VTA1: variants seen among roughly 807,000 people sequenced by gnomAD.
The protein encoded by VTA1 is vacuolar protein sorting-associated protein VTA1 homolog.
VTA1 carries 24 observed loss-of-function variants against 36.9 expected under a neutral mutation model. The observed-to-expected ratio is 0.65, with a 90% CI of 0.47 to 0.91. The LOEUF (loss-of-function observed/expected upper bound fraction) is 0.91. Ranked by LOEUF, VTA1 falls within the 40% of genes least tolerant of loss-of-function variation. The pLI, the probability that VTA1 is intolerant of heterozygous loss-of-function variation, is 0.00. For synonymous variants in VTA1, 142 were observed against 130.2 expected (o/e 1.09, Z -0.62); for missense variants, 393 against 377.2 (o/e 1.04, Z -0.35).
intron 5 of VTA1, among the ~76,000 whole-genome samples, chr6:142,192,017 T>C (rs1002090638): frequency 6.6e-6 from 1 of 152,032 alleles, no homozygotes; most frequent in Non-Finnish European, 1.5e-5. Flanking sequence ...CTTAGTTAAC[T>C]TAGATAAAGA....
chr6:142,189,231 A>G (rs565912549), intron 4 of VTA1, among the ~76,000 whole-genome samples, 195 bp from the exon 5 acceptor site: 1 of 152,324 alleles, frequency 6.6e-6, no homozygotes, highest in South Asian at 2.1e-4. Context: ...TGAGGACAAT[A>G]GCTTTTCATG....
intron 1 of VTA1, among the ~76,000 whole-genome samples, chr6:142,165,021 G>T (rs1774887456): frequency 6.6e-6 from 1 of 152,150 alleles, no homozygotes; most frequent in South Asian, 2.1e-4. Context: ...ACAGTATAAA[G>T]AATTGTTACA....
intron 7 of VTA1, among the ~76,000 whole-genome samples, chr6:142,218,144 CA>C (rs966478971): frequency 5.9e-5 from 9 of 151,920 alleles, no homozygotes; most frequent in African/African-American, 2.2e-4. Context: ...CATTCCAGCT[CA>C]AATGAGGGTT....
At chr6:142,209,900 T>C (rs225699) in intron 7 of VTA1, among the ~76,000 whole-genome samples, 87,608 of 151,724 alleles carry the variant, frequency 0.58, 25,597 homozygotes, top group Middle Eastern at 0.62. Flanking sequence ...AATGACATTT[T>C]ACCAAAAAAA....
intron 1 of VTA1, among the ~76,000 whole-genome samples, chr6:142,149,324 G>GTTTT (rs1314292130): frequency 6.6e-6 from 1 of 152,126 alleles, no homozygotes. Flanking sequence ...TATGAAACAT[G>GTTTT]TACATATAAA....
chr6:142,170,964 C>T lies in VTA1; in HGVS notation c.411+543C>T, dbSNP rs145671222. ...CTTTAAATCCAGCATGTATTTTACA[C>T]TTCAGCATATGTGTGACTACTGTAT... On this transcript the variant is annotated intron_variant, in intron 4 of 7. Coordinates refer to ENST00000367630, the MANE Select transcript of VTA1 (RefSeq NM_016485.5). Among the ~76,000 whole-genome samples, 9 of 152,230 alleles carry T rather than the reference C, an allele frequency of 5.9e-5. No homozygotes were observed. The East Asian group carries it at 1.7e-3, about 29-fold the overall frequency.
At chr6:142,207,143 A>T (rs1775810104) in intron 7 of VTA1, among the ~76,000 whole-genome samples, 1 of 152,174 alleles carries the variant, frequency 6.6e-6, no homozygotes, top group Non-Finnish European at 1.5e-5. Context: ...AGAAGTGGAA[A>T]AACTCCAGTA....
Position 142,188,225 on chromosome 6 carries a change from CTTTTTTT to C in VTA1, c.412-1179_412-1173del, listed in dbSNP as rs200348683. On this transcript the variant is annotated intron_variant, in intron 4 of 7. Coordinates refer to ENST00000367630, the MANE Select transcript of VTA1 (RefSeq NM_016485.5). Reference sequence around the variant, plus strand: ...TGCCTAGCCCTCTATTTCTTTATTTCTTTTTTTTTTTTTTTTTTTTTTTTTTTTGAGA... The same window carrying C: ...TGCCTAGCCCTCTATTTCTTTATTTCTTTTTTTTTTTTTTTTTTTTTGAGA... Among the ~76,000 whole-genome samples the C allele has an allele frequency of 4.9e-3, 388 of 78,920 alleles. 1 individual carries two copies. The highest frequency in any genetic ancestry group is 0.017 in the Middle Eastern group (1 of 60). 51.8% of individuals were successfully genotyped at this position (78,920 alleles called of 152,430 possible). A position where few individuals can be genotyped will look rare whatever the true frequency, so the allele number is the denominator to read the frequency against.
intron 5 of VTA1, among the ~76,000 whole-genome samples, chr6:142,192,636 C>G (rs1377053032): frequency 6.6e-6 from 1 of 151,898 alleles, no homozygotes; most frequent in Non-Finnish European, 1.5e-5. Flanking sequence ...CCCTTGTCCC[C>G]TTTTCTCTCT....
intron 1 of VTA1, among the ~76,000 whole-genome samples, chr6:142,151,662 A>T (rs1778570540): frequency 1.3e-5 from 2 of 152,246 alleles, no homozygotes; most frequent in South Asian, 4.1e-4. Context: ...AGTGTGGTAG[A>T]CATTCTCTTT....
chr6:142,208,083 A>G (rs1184063947), intron 7 of VTA1, among the ~76,000 whole-genome samples: 1 of 88,420 alleles, frequency 1.1e-5, no homozygotes, highest in Non-Finnish European at 2.5e-5. Flanking sequence ...TGAGACTTCC[A>G]TCAAAAAAAA....
chr6:142,209,449 G>A (rs1278044425), intron 7 of VTA1, among the ~76,000 whole-genome samples: 1 of 149,374 alleles, frequency 6.7e-6, no homozygotes, highest in East Asian at 2.0e-4. Context: ...TACAAAAAAT[G>A]TAATACAAAA....
Position 142,181,114 on chromosome 6 carries a change from TATAC to T in VTA1, c.412-8310_412-8307del, listed in dbSNP as rs1413822120. ...AAAAAAATATATATATATATATATA[TATAC>T]ACACACACACACAGACACACTTTTT... is the stretch of plus-strand genomic sequence containing the variant. On this transcript the variant is annotated intron_variant, in intron 4 of 7. Coordinates refer to ENST00000367630, the MANE Select transcript of VTA1 (RefSeq NM_016485.5). 4.0e-3 allele frequency among the ~76,000 whole-genome samples: 472 copies of T among 119,284 alleles called. 4 individuals are homozygous for T. Among genetic ancestry groups the T allele is most frequent in the African/African-American group, 0.014 (451 of 32,852 alleles). 78.3% of individuals were successfully genotyped at this position (119,284 alleles called of 152,430 possible). A position where few individuals can be genotyped will look rare whatever the true frequency, so the allele number is the denominator to read the frequency against.
intron 7 of VTA1, among the ~76,000 whole-genome samples, chr6:142,208,179 A>G (rs1205642330): frequency 6.6e-6 from 1 of 152,130 alleles, no homozygotes; most frequent in Non-Finnish European, 1.5e-5. Context: ...AACAATTTTA[A>G]GAAAACTCAT....
chr6:142,153,545 G>A lies in VTA1; in HGVS notation c.112+6146G>A, dbSNP rs1056812986. 5.3e-5 allele frequency among the ~76,000 whole-genome samples: 8 copies of A among 151,880 alleles called. No homozygotes were observed. The Middle Eastern group carries it at 0.014, about 260-fold the overall frequency. On this transcript the variant is annotated intron_variant, in intron 1 of 7. Transcript: ENST00000367630. Reference sequence around the variant, plus strand: ...AATGATTCACTTCTGGCCTTAATGGGAATTTTCTAGTGTTTTATCACTTTT... The same window carrying A: ...AATGATTCACTTCTGGCCTTAATGGAAATTTTCTAGTGTTTTATCACTTTT...
At chr6:142,151,016 G>A (rs1562253109) in intron 1 of VTA1, among the ~76,000 whole-genome samples, 1 of 151,980 alleles carries the variant, frequency 6.6e-6, no homozygotes, top group Non-Finnish European at 1.5e-5. Context: ...GAGTCACCTG[G>A]AATTGTATAT....
At chr6:142,214,945 C>G (rs1327904466) in intron 7 of VTA1, among the ~76,000 whole-genome samples, 1 of 152,160 alleles carries the variant, frequency 6.6e-6, no homozygotes, top group Non-Finnish European at 1.5e-5. Flanking sequence ...CTACATATTT[C>G]TCCTTACTGC....
chr6:142,188,225 CTTTTTTTTTT>C (rs200348683), intron 4 of VTA1, among the ~76,000 whole-genome samples: 14 of 78,928 alleles, frequency 1.8e-4, no homozygotes, highest in East Asian at 9.4e-4. Flanking sequence ...TTCTTTATTT[CTTTTTTTTTT>C]TTTTTTTTTT....
In VTA1 at chr6:142,151,962, G is replaced by A. The variant is rs571117125; in HGVS notation, c.112+4563G>A. 4.5e-4 allele frequency among the ~76,000 whole-genome samples: 68 copies of A among 152,350 alleles called. No individual in the cohort carries two copies. In the South Asian group the frequency reaches 0.013, roughly 30 times the overall value. On this transcript the variant is annotated intron_variant, in intron 1 of 7. Transcript: ENST00000367630. ...GGCAGGAGAATTGCTTGAACCTGGA[G>A]GTGGAGGTTGCAGTGAGCTGAGATC...
Sources: allele counts gnomAD v4.1 joint callset (sites outside exome capture counted in the v4.1 genomes callset), GRCh38; gene constraint gnomAD v4.1.1; transcripts MANE v1.5; gene names NCBI Gene and HGNC (gene_info 2026-07-23, HGNC 2026-07-21).